Variants in POU2AF2 observed in about 807,000 individuals in gnomAD.
POU2AF2 encodes the protein POU domain class 2-associating factor 2.
the POU2AF2 span, among the ~76,000 whole-genome samples, chr11:111,265,586 A>G: frequency 6.6e-6 from 1 of 152,152 alleles, no homozygotes; most frequent in Non-Finnish European, 1.5e-5. Context: ...TAATGTCTAC[A>G]AAGCACCTGG....
At chr11:111,278,643 C>G in the POU2AF2 span, among the ~76,000 whole-genome samples, 15 of 152,200 alleles carry the variant, frequency 9.9e-5, no homozygotes, top group South Asian at 3.1e-3. Flanking sequence ...AAAGAGGGCC[C>G]GCACTAAAAA....
chr11:111,286,282 T>C, the POU2AF2 span: 5 of 491,116 alleles, frequency 1.0e-5, no homozygotes, highest in Non-Finnish European at 1.7e-5. Flanking sequence ...AAGATAACCT[T>C]ACAATGTGGT....
At chr11:111,274,126 C>T in the POU2AF2 span, among the ~76,000 whole-genome samples, 1 of 152,098 alleles carries the variant, frequency 6.6e-6, no homozygotes, top group African/African-American at 2.4e-5. Context: ...CTGAAGGACC[C>T]TGGCTTAGGC....
At chr11:111,280,052 A>AT in the POU2AF2 span, among the ~76,000 whole-genome samples, 19 of 93,004 alleles carry the variant, frequency 2.0e-4, no homozygotes, top group South Asian at 3.2e-3. Flanking sequence ...AAAAAAAAAA[A>AT]AAAAAATATA....
At chr11:111,267,948 C>T in the POU2AF2 span, among the ~76,000 whole-genome samples, 5 of 152,258 alleles carry the variant, frequency 3.3e-5, no homozygotes, top group Non-Finnish European at 7.4e-5. Flanking sequence ...ATGCTAGAAA[C>T]AGATAGAACC....
the POU2AF2 span, among the ~76,000 whole-genome samples, chr11:111,266,476 T>C: frequency 6.6e-6 from 1 of 152,082 alleles, no homozygotes; most frequent in South Asian, 2.1e-4. Flanking sequence ...GCCAGGAATA[T>C]AGGGAATAGA....
chr11:111,264,517 A>G, the POU2AF2 span, among the ~76,000 whole-genome samples: 2 of 62,134 alleles, frequency 3.2e-5, no homozygotes, highest in South Asian at 7.2e-4. Flanking sequence ...AGAAAGAAAG[A>G]AAGAAAGAAA....
the POU2AF2 span, among the ~76,000 whole-genome samples, chr11:111,264,631 AAGAGAAAGAAAG>A: frequency 6.2e-5 from 2 of 32,308 alleles, no homozygotes; most frequent in African/African-American, 1.7e-4. Flanking sequence ...AGAAGAAAGA[AAGAGAAAGAAAG>A]AGAGAAAGAA....
At chr11:111,246,337 T>C in the POU2AF2 span, among the ~76,000 whole-genome samples, 11 of 152,184 alleles carry the variant, frequency 7.2e-5, no homozygotes, top group Non-Finnish European at 1.5e-4. Flanking sequence ...GGTCATTCTA[T>C]TTACATATGA....
chr11:111,249,173 AGAGTAT>A, the POU2AF2 span, among the ~76,000 whole-genome samples: 5 of 152,230 alleles, frequency 3.3e-5, no homozygotes, highest in Non-Finnish European at 7.3e-5. Flanking sequence ...GTTTGTATCT[AGAGTAT>A]TTGAATAAAA....
chr11:111,251,594 C>T, the POU2AF2 span, among the ~76,000 whole-genome samples: 13 of 152,194 alleles, frequency 8.5e-5, no homozygotes, highest in African/African-American at 2.7e-4. Flanking sequence ...TCTCTTTGTT[C>T]TTGCTCACAG....
chr11:111,250,560 C>T, the POU2AF2 span, among the ~76,000 whole-genome samples: 1 of 152,196 alleles, frequency 6.6e-6, no homozygotes, highest in African/African-American at 2.4e-5. Context: ...ACAAGCAAAG[C>T]CCCCACTTCG....
the POU2AF2 span, among the ~76,000 whole-genome samples, chr11:111,247,191 CAGAGAG>C: frequency 0.27 from 39,144 of 144,802 alleles, 5,238 homozygotes; most frequent in African/African-American, 0.29. Flanking sequence ...TACACACACA[CAGAGAG>C]AGAGAGAGAG....
the POU2AF2 span, among the ~76,000 whole-genome samples, chr11:111,283,487 C>T: frequency 6.6e-6 from 1 of 152,170 alleles, no homozygotes. Context: ...CTACAGGCCT[C>T]TAAAATTGGC....
At chr11:111,249,864 C>A in the POU2AF2 span, among the ~76,000 whole-genome samples, 1 of 152,104 alleles carries the variant, frequency 6.6e-6, no homozygotes, top group Non-Finnish European at 1.5e-5. Context: ...CCCCTCTCTT[C>A]CCCTGCGCAT....
At chr11:111,264,593 AAAG>A in the POU2AF2 span, among the ~76,000 whole-genome samples, 3 of 150,596 alleles carry the variant, frequency 2.0e-5, 1 homozygote, top group African/African-American at 7.3e-5. Context: ...AGAAAGACAG[AAAG>A]AAGAAAGAGA....
chr11:111,262,046 C>G, the POU2AF2 span, among the ~76,000 whole-genome samples: 1 of 152,178 alleles, frequency 6.6e-6, no homozygotes, highest in Admixed American at 6.5e-5. Flanking sequence ...GTATTACTTA[C>G]AGTTATTTTC....
the POU2AF2 span, among the ~76,000 whole-genome samples, chr11:111,255,701 T>C: frequency 6.6e-6 from 1 of 152,182 alleles, no homozygotes; most frequent in Non-Finnish European, 1.5e-5. Flanking sequence ...CTTGCCAGAG[T>C]AAATCTTGAC....
chr11:111,283,377 C>T, the POU2AF2 span, among the ~76,000 whole-genome samples: 1 of 151,888 alleles, frequency 6.6e-6, no homozygotes, highest in East Asian at 1.9e-4. Context: ...GTAGCCGGCA[C>T]TGTCTTCCTA....
Sources: allele counts gnomAD v4.1 joint callset (sites outside exome capture counted in the v4.1 genomes callset), GRCh38; gene constraint gnomAD v4.1.1; transcripts MANE v1.5; gene names NCBI Gene and HGNC (gene_info 2026-07-23, HGNC 2026-07-21).